BLTP1: variants seen among roughly 807,000 people sequenced by gnomAD.
The protein encoded by BLTP1 is bridge-like lipid transfer protein family member 1, also known as fragile site-associated protein.
chr4:122,291,370 T>C, the BLTP1 span, among the ~76,000 whole-genome samples: 1 of 152,234 alleles, frequency 6.6e-6, no homozygotes, highest in African/African-American at 2.4e-5. Flanking sequence ...GAGGGAATAC[T>C]TTGAACCCTT....
At chr4:122,152,375 G>T in the BLTP1 span, 693 of 985,764 alleles carry the variant, frequency 7.0e-4, 1 homozygote, top group Middle Eastern at 1.6e-3. Flanking sequence ...CTCCTCCTCC[G>T]CCCCCTTGGG....
the BLTP1 span, chr4:122,302,390 A>G: frequency 4.6e-6 from 1 of 217,214 alleles, no homozygotes; most frequent in Non-Finnish European, 7.8e-6. Context: ...AATAGCATAT[A>G]TTCACTTTCT....
At chr4:122,353,883 C>G in the BLTP1 span, 1 of 1,613,888 alleles carries the variant, frequency 6.2e-7, no homozygotes, top group Non-Finnish European at 8.5e-7. The surrounding 1 kb of genome is among the most constrained non-coding windows in gnomAD (Gnocchi z 4.3). Context: ...ACTATGGTTA[C>G]CAAACCATGT....
chr4:122,157,820 A>G, the BLTP1 span, among the ~76,000 whole-genome samples: 1 of 152,204 alleles, frequency 6.6e-6, no homozygotes, highest in Admixed American at 6.5e-5. Context: ...CTTGGTTCAC[A>G]GGAATTGGCT....
chr4:122,219,700 A>G, the BLTP1 span: 1 of 604,904 alleles, frequency 1.7e-6, no homozygotes, highest in Non-Finnish European at 2.8e-6. Context: ...TTTTACTGTT[A>G]TAAAACTCAT....
the BLTP1 span, chr4:122,337,030 T>C: frequency 6.3e-7 from 1 of 1,580,866 alleles, no homozygotes; most frequent in Non-Finnish European, 8.6e-7. Context: ...GGTGACATAC[T>C]TCATTTCTTT....
the BLTP1 span, chr4:122,340,663 C>T: frequency 1.1e-6 from 1 of 938,136 alleles, no homozygotes; most frequent in Non-Finnish European, 1.3e-6. Flanking sequence ...AACAAAAAGG[C>T]TGATACCTTA....
At chr4:122,340,734 T>G in the BLTP1 span, 16 of 985,026 alleles carry the variant, frequency 1.6e-5, no homozygotes, top group Admixed American at 6.2e-5. Flanking sequence ...AAAATATTGC[T>G]GTTGGAGTTG....
chr4:122,235,429 C>T, the BLTP1 span: 1 of 969,312 alleles, frequency 1.0e-6, no homozygotes, highest in Non-Finnish European at 1.2e-6. Context: ...TGTTGGCCCC[C>T]ATGTTACCAA....
At chr4:122,293,725 G>A in the BLTP1 span, among the ~76,000 whole-genome samples, 5 of 152,158 alleles carry the variant, frequency 3.3e-5, no homozygotes, top group Admixed American at 1.3e-4. Context: ...TTCAAGCAGT[G>A]TCATTTTATA....
the BLTP1 span, chr4:122,197,178 AT>A: frequency 6.0e-6 from 6 of 1,003,564 alleles, no homozygotes; most frequent in South Asian, 1.8e-5. Context: ...ATATGAATTA[AT>A]TTTTTTCTTT....
chr4:122,338,549 T>G, the BLTP1 span, among the ~76,000 whole-genome samples: 8 of 152,116 alleles, frequency 5.3e-5, no homozygotes, highest in African/African-American at 1.9e-4. Flanking sequence ...TAAATTTTTT[T>G]AAGGTTCTGA....
chr4:122,325,686 T>G, the BLTP1 span: 4 of 965,454 alleles, frequency 4.1e-6, no homozygotes, highest in African/African-American at 5.2e-5. Context: ...TATTTATAGA[T>G]AGCAGAAATT....
chr4:122,316,609 C>A, the BLTP1 span: 1 of 1,327,588 alleles, frequency 7.5e-7, no homozygotes, highest in Non-Finnish European at 1.1e-6. Flanking sequence ...ATGGAGAATT[C>A]CAACCTTAAT....
chr4:122,292,352 A>T, the BLTP1 span: 1 of 881,630 alleles, frequency 1.1e-6, no homozygotes, highest in Non-Finnish European at 1.4e-6. Context: ...ACTTGAGTAT[A>T]AGAAAAATTA....
the BLTP1 span, chr4:122,237,658 G>A: frequency 1.3e-6 from 1 of 759,236 alleles, no homozygotes; most frequent in Non-Finnish European, 1.6e-6. Flanking sequence ...CTATACTTAT[G>A]TAGATATATT....
At chr4:122,316,833 T>C in the BLTP1 span, 3 of 1,610,890 alleles carry the variant, frequency 1.9e-6, no homozygotes, top group Non-Finnish European at 2.5e-6. Context: ...GAGAACTGAA[T>C]GAACAGGCCA....
At chr4:122,329,303 A>C in the BLTP1 span, among the ~76,000 whole-genome samples, 1 of 151,880 alleles carries the variant, frequency 6.6e-6, no homozygotes, top group East Asian at 1.9e-4. Context: ...ATCTTCCAGC[A>C]TCCATATTCG....
At chr4:122,232,465 G>C in the BLTP1 span, among the ~76,000 whole-genome samples, 5 of 152,112 alleles carry the variant, frequency 3.3e-5, no homozygotes, top group Non-Finnish European at 7.4e-5. Context: ...CTCTGTCCCT[G>C]AGTCCTATAG....
Sources: allele counts gnomAD v4.1 joint callset (sites outside exome capture counted in the v4.1 genomes callset), GRCh38; gene constraint gnomAD v4.1.1; non-coding constraint Gnocchi (gnomAD v3.1); transcripts MANE v1.5; gene names NCBI Gene and HGNC (gene_info 2026-07-23, HGNC 2026-07-21).